TIMP3: variants seen among roughly 807,000 people sequenced by gnomAD.
TIMP3 encodes the protein TIMP metallopeptidase inhibitor 3.
Under a neutral mutation model 30.0 loss-of-function variants are expected in TIMP3, and 11 were observed. The observed-to-expected ratio is 0.37, with a 90% CI of 0.23 to 0.61. TIMP3 has a LOEUF of 0.61. Ranked by LOEUF, TIMP3 falls within the 20% of genes least tolerant of loss-of-function variation. The pLI is 0.70. For synonymous variants in TIMP3, 112 were observed against 111.3 expected, an observed-to-expected ratio of 1.01 and a Z score of -0.04; for missense variants, 181 against 276.8, an observed-to-expected ratio of 0.65 and a Z score of 2.45.
intron 1 of TIMP3, among the ~76,000 whole-genome samples, chr22:32,826,533 T>C (rs1328222359): frequency 6.6e-6 from 1 of 152,234 alleles, no homozygotes; most frequent in Non-Finnish European, 1.5e-5. Flanking sequence ...TCCTATTTTG[T>C]TAAATTTTGG....
chr22:32,804,729 C>T (rs1327389353), intron 1 of TIMP3, among the ~76,000 whole-genome samples: 2 of 152,188 alleles, frequency 1.3e-5, no homozygotes, highest in African/African-American at 2.4e-5. Context: ...TCTATGGCAA[C>T]TCCAGGCCCT....
rs1317729872 is a variant in TIMP3, at chr22:32,861,111, A to G, written c.*1734A>G. 1 of 151,190 alleles carries G rather than the reference A, an allele frequency of 6.6e-6. No homozygotes were observed. Among genetic ancestry groups the G allele is most frequent in the Non-Finnish European group, 1.5e-5 (1 of 67,728 alleles). 9.4% of individuals were successfully genotyped at this position (151,190 alleles called of 1,614,324 possible). ...TTCAGCTTATGGGTATTTATCTTCT[A>G]TTAGTATTTGTATCTTCAGTTCATT... On this transcript the variant is annotated 3_prime_UTR_variant, in exon 5 of 5. Coordinates refer to ENST00000266085, the MANE Select transcript of TIMP3 (RefSeq NM_000362.5).
At chr22:32,822,062 G>A (rs2047262102) in intron 1 of TIMP3, among the ~76,000 whole-genome samples, 1 of 151,746 alleles carries the variant, frequency 6.6e-6, no homozygotes, top group African/African-American at 2.4e-5. Flanking sequence ...GGCTGAGGCA[G>A]GAGAATTGCT....
intron 1 of TIMP3, among the ~76,000 whole-genome samples, chr22:32,842,773 G>A (rs2047949386): frequency 6.6e-6 from 1 of 152,114 alleles, no homozygotes; most frequent in Non-Finnish European, 1.5e-5. Flanking sequence ...GGAGCACAAA[G>A]GTCTAAACAG....
At chr22:32,823,239 TG>T (rs1440525287) in intron 1 of TIMP3, among the ~76,000 whole-genome samples, 1 of 152,162 alleles carries the variant, frequency 6.6e-6, no homozygotes, top group Non-Finnish European at 1.5e-5. Context: ...TGGTGGGACT[TG>T]TAAGTCCCGT....
chr22:32,856,457 G>C lies in TIMP3; in HGVS notation c.205-792G>C, dbSNP rs201944320. 1.4e-4 allele frequency among the ~76,000 whole-genome samples: 22 copies of C among 152,226 alleles called. No individual in the cohort carries two copies. In the East Asian group the frequency reaches 3.7e-3, roughly 25 times the overall value. On this transcript the variant is annotated intron_variant, in intron 2 of 4. Coordinates refer to ENST00000266085, the MANE Select transcript of TIMP3 (RefSeq NM_000362.5). ...CCGGCCACTGGACAGCTGAATAGGGGAGCGAGATTCCCTCAGATCCAATGT... is the reference window on the plus strand; with the variant it reads ...CCGGCCACTGGACAGCTGAATAGGGCAGCGAGATTCCCTCAGATCCAATGT...
intron 1 of TIMP3, among the ~76,000 whole-genome samples, chr22:32,819,913 G>C (rs968925703): frequency 2.6e-5 from 4 of 152,184 alleles, no homozygotes; most frequent in Non-Finnish European, 2.9e-5. Flanking sequence ...CCCAAGGGAA[G>C]TTCTCGCAAC....
chr22:32,804,700 G>A (rs1338830879), intron 1 of TIMP3, among the ~76,000 whole-genome samples: 1 of 152,178 alleles, frequency 6.6e-6, no homozygotes, highest in Non-Finnish European at 1.5e-5. Flanking sequence ...TTCTGGGGGA[G>A]GAGGAGTTAA....
intron 1 of TIMP3, among the ~76,000 whole-genome samples, chr22:32,832,673 GTATTTTATTT>G (rs564439917): frequency 2.5e-4 from 38 of 151,574 alleles, no homozygotes; most frequent in South Asian, 4.2e-4. Context: ...AAACCCTCGA[GTATTTTATTT>G]TATTTTATTT....
intron 1 of TIMP3, among the ~76,000 whole-genome samples, chr22:32,805,557 A>G (rs886722397): frequency 1.3e-5 from 2 of 152,082 alleles, no homozygotes; most frequent in African/African-American, 2.4e-5. Flanking sequence ...CAGCTGGAGG[A>G]GGGAAGAGAC....
intron 1 of TIMP3, among the ~76,000 whole-genome samples, chr22:32,848,489 G>C (rs2048131317): frequency 6.6e-6 from 1 of 152,204 alleles, no homozygotes; most frequent in South Asian, 2.1e-4. Flanking sequence ...GTTAAGAGCA[G>C]TAAATAAGTG....
intron 1 of TIMP3, among the ~76,000 whole-genome samples, chr22:32,818,936 G>C (rs1364254136): frequency 6.6e-6 from 1 of 152,220 alleles, no homozygotes; most frequent in African/African-American, 2.4e-5. Flanking sequence ...GGCCCCTGCA[G>C]CTACTCCTCG....
intron 1 of TIMP3, among the ~76,000 whole-genome samples, chr22:32,824,627 T>C (rs1198882379): frequency 6.6e-6 from 1 of 152,204 alleles, no homozygotes; most frequent in East Asian, 1.9e-4. Context: ...GGCATGCATG[T>C]ATGATATAAA....
chr22:32,849,326 C>A, intron 1 of TIMP3, 126 bp from the exon 2 acceptor site: 3 of 761,138 alleles, frequency 3.9e-6, no homozygotes, highest in Admixed American at 4.1e-5. Flanking sequence ...ATCATCTATT[C>A]CAGTTGGCTC....
intron 1 of TIMP3, among the ~76,000 whole-genome samples, chr22:32,803,933 T>C (rs1008656520): frequency 6.6e-6 from 1 of 152,152 alleles, no homozygotes; most frequent in African/African-American, 2.4e-5. Context: ...CACGGAAAAG[T>C]GAAAACAAGC....
chr22:32,807,372 A>T (rs1375889482), intron 1 of TIMP3, among the ~76,000 whole-genome samples: 1 of 111,720 alleles, frequency 9.0e-6, no homozygotes, highest in African/African-American at 3.8e-5. Flanking sequence ...AATATATATT[A>T]TATATAATAT....
chr22:32,811,693 G>C lies in TIMP3; in HGVS notation c.121+9571G>C, dbSNP rs369979184. ...AACGAGGAAAGCAGGATGGTGATTG[G>C]GGGGTCGGTCATAGTTCCTAGTTAG... is the stretch of plus-strand genomic sequence containing the variant. On this transcript the variant is annotated intron_variant, in intron 1 of 4. Coordinates refer to ENST00000266085, the MANE Select transcript of TIMP3 (RefSeq NM_000362.5). Among the ~76,000 whole-genome samples the C allele has an allele frequency of 5.3e-5, 8 of 152,280 alleles. No individual in the cohort carries two copies. In the East Asian group the frequency reaches 1.5e-3, roughly 29 times the overall value.
intron 1 of TIMP3, among the ~76,000 whole-genome samples, chr22:32,818,732 C>T (rs985289310): frequency 1.3e-5 from 2 of 152,180 alleles, no homozygotes; most frequent in East Asian, 1.9e-4. Flanking sequence ...TCACTGTGGC[C>T]GGCCTAGGGG....
At chr22:32,834,317 T>G (rs1164516203) in intron 1 of TIMP3, among the ~76,000 whole-genome samples, 1 of 54,356 alleles carries the variant, frequency 1.8e-5, no homozygotes, top group African/African-American at 5.9e-5. Context: ...CACATCTGGC[T>G]AATTTATTTT....
Sources: allele counts gnomAD v4.1 joint callset (sites outside exome capture counted in the v4.1 genomes callset), GRCh38; gene constraint gnomAD v4.1.1; transcripts MANE v1.5; gene names NCBI Gene and HGNC (gene_info 2026-07-23, HGNC 2026-07-21).